The following LRRC49 variants were observed in gnomAD, a reference collection of about 807,000 sequenced individuals.
LRRC49 encodes leucine rich repeat containing 49.
In LRRC49, 50 loss-of-function variants were observed where a neutral mutation model predicts 83.3. The ratio of observed to expected loss-of-function variants is 0.60; its 90% CI spans 0.48 to 0.76. The LOEUF is 0.76. Among genes scored for constraint, LRRC49 ranks in the 30% least tolerant of loss-of-function variants. The pLI is 0.00. For missense variants in LRRC49, 704 were observed against 809.1 expected (o/e 0.87, Z 1.58); for synonymous variants, 286 against 283.3 (o/e 1.01, Z -0.10).
intron 8 of LRRC49, among the ~76,000 whole-genome samples, chr15:70,941,185 T>G (rs1033760468): frequency 7.9e-5 from 12 of 152,168 alleles, no homozygotes; most frequent in African/African-American, 2.9e-4. Context: ...ATGATAGATA[T>G]GTTCTACCGC....
chr15:70,904,809 G>A (rs1176163593), intron 5 of LRRC49, 54 bp downstream of exon 5: 1 of 1,308,110 alleles, frequency 7.6e-7, no homozygotes. Context: ...GGATTAATGT[G>A]GAGATGACAA....
At position 70,901,091 on chromosome 15, in the gene LRRC49, A is replaced by G. The variant is rs561566702; in HGVS notation, c.296+67A>G. ...ATACATAGACGTGGTACAAGACTTG[A>G]AAGATGCAAGTCTCCCTCCTTCCTC... On this transcript the variant is annotated intron_variant, in intron 4 of 15. Coordinates refer to ENST00000260382, the MANE Select transcript of LRRC49 (RefSeq NM_017691.5). 63 of 875,250 alleles carry G rather than the reference A, an allele frequency of 7.2e-5. No homozygotes were observed. In the African/African-American group the frequency reaches 9.6e-4, roughly 13 times the overall value. 54.2% of individuals were successfully genotyped at this position (875,250 alleles called of 1,614,324 possible).
rs2033138797 is a variant in LRRC49, at chr15:70,875,654, G to C, written c.18+2431G>C. ...TTACCATGTGCCCAGCAGTGTTCTA[G>C]GTTTTTCATATTGTAATCTTCTCAA... On this transcript the variant is annotated intron_variant, in intron 2 of 16. Transcript: ENST00000544974. Among the ~76,000 whole-genome samples the C allele has an allele frequency of 2.0e-5, 3 of 152,134 alleles. No homozygotes were observed. The South Asian group carries it at 6.2e-4, about 32-fold the overall frequency.
In LRRC49 at chr15:70,919,086, T is replaced by C; in HGVS notation, c.604T>C (p.Leu202=). 2.5e-6 allele frequency: 4 copies of C among 1,612,196 alleles called. No homozygotes were observed. The highest frequency in any genetic ancestry group is 1.1e-5 in the South Asian group (1 of 90,904). The change falls in exon 7 of 16, where the codon TTG becomes CTG. Residue 202 remains leucine (L), a synonymous_variant. Coordinates refer to ENST00000260382, the MANE Select transcript of LRRC49 (RefSeq NM_017691.5). ...TGAAAATATTAATCATTTGTGTGAG[T>C]TGAGAGTTTTAAATCTTGCCAGGAA... ...KIENINHLCE[L]RVLNLARNFL...
rs2033698863 is a variant in LRRC49, at chr15:70,893,798, A to G, written c.105+158A>G. 23 of 610,430 alleles carry G rather than the reference A, an allele frequency of 3.8e-5. No homozygotes were observed. In the South Asian group the frequency reaches 5.0e-4, roughly 13 times the overall value. The allele number at this position is 610,430 out of a possible 1,614,324, so 37.8% of individuals were successfully genotyped here. Reference sequence around the variant, plus strand: ...GCTAGTTCTTACTTTCTGCCTACATAAAGCTAAAATAGCCCTCTTTAAAAA... The same window carrying G: ...GCTAGTTCTTACTTTCTGCCTACATGAAGCTAAAATAGCCCTCTTTAAAAA... On this transcript the variant is annotated intron_variant, in intron 2 of 15. Coordinates refer to ENST00000260382, the MANE Select transcript of LRRC49 (RefSeq NM_017691.5).
chr15:71,007,699 T>A (rs568816582), intron 11 of LRRC49, among the ~76,000 whole-genome samples: 15 of 90,090 alleles, frequency 1.7e-4, no homozygotes, highest in East Asian at 9.6e-4. Flanking sequence ...CAGTGCAGTA[T>A]GAGAAGCATG....
chr15:71,010,819 A>AT (rs1452136594), intron 13 of LRRC49, among the ~76,000 whole-genome samples: 1 of 152,018 alleles, frequency 6.6e-6, no homozygotes, highest in South Asian at 2.1e-4. Context: ...GAAAAAAAAA[A>AT]CATCTTTAAT....
At chr15:70,915,688 C>A (rs549693666) in intron 6 of LRRC49, among the ~76,000 whole-genome samples, 1 of 152,070 alleles carries the variant, frequency 6.6e-6, no homozygotes, top group Non-Finnish European at 1.5e-5. Context: ...ATTCTATCAC[C>A]TGTTTAGTTT....
intron 10 of LRRC49, among the ~76,000 whole-genome samples, chr15:70,981,188 C>G (rs564653191): frequency 2.6e-5 from 4 of 152,206 alleles, no homozygotes; most frequent in East Asian, 1.9e-4. Context: ...TCGTGCAACT[C>G]TACATATTGA....
chr15:70,956,855 G>A (rs2141187740), intron 8 of LRRC49, among the ~76,000 whole-genome samples: 1 of 152,266 alleles, frequency 6.6e-6, no homozygotes, highest in South Asian at 2.1e-4. Context: ...AAAGCATAAA[G>A]ACTTCAGTCT....
At chr15:70,943,523 C>G (rs766891117) in intron 8 of LRRC49, among the ~76,000 whole-genome samples, 1 of 152,160 alleles carries the variant, frequency 6.6e-6, no homozygotes, top group Non-Finnish European at 1.5e-5. Context: ...TCCCTTCTCC[C>G]CTGATTCTTC....
At chr15:70,954,158 G>C (rs2036317539) in intron 8 of LRRC49, among the ~76,000 whole-genome samples, 1 of 152,204 alleles carries the variant, frequency 6.6e-6, no homozygotes, top group South Asian at 2.1e-4. Flanking sequence ...GCTTCCCAAA[G>C]TGCTGGGATT....
chr15:70,936,705 A>G (rs1054691688), intron 7 of LRRC49, 56 bp from the exon 8 acceptor site: 5 of 1,015,934 alleles, frequency 4.9e-6, no homozygotes, highest in African/African-American at 3.2e-5. Context: ...GCAAGAAGAC[A>G]TTTATAATAT....
rs184167329 is a variant in LRRC49 at position 70,867,843 on chromosome 15, G to A, written c.-298-5065G>A. ...CTGCAATCTTGTCACGCATTTCTTTGAGATGAGTATTGGGGTCCTGCTTCT... is the reference window on the plus strand; with the variant it reads ...CTGCAATCTTGTCACGCATTTCTTTAAGATGAGTATTGGGGTCCTGCTTCT... On this transcript the variant is annotated intron_variant, in intron 1 of 16. Transcript: ENST00000544974. Among the ~76,000 whole-genome samples the A allele has an allele frequency of 3.9e-5, 6 of 152,302 alleles. No individual in the cohort carries two copies. The East Asian group carries it at 9.6e-4, about 24-fold the overall frequency.
At chr15:70,965,009 C>A (rs541279943) in intron 9 of LRRC49, among the ~76,000 whole-genome samples, 1 of 152,174 alleles carries the variant, frequency 6.6e-6, no homozygotes, top group Non-Finnish European at 1.5e-5. Flanking sequence ...TAGGGTTCTG[C>A]CTCTCTCTCT....
At position 70,906,183 on chromosome 15, in the gene LRRC49, G is replaced by A. The variant is rs536594081; in HGVS notation, c.500+1428G>A. On this transcript the variant is annotated intron_variant, in intron 5 of 15. Transcript: ENST00000260382. Reference sequence around the variant, plus strand: ...GCCATCTCAGCTCACTGCAACCTCTGCCTCCCGGGTTCAAGTGATTGTCCT... The same window carrying A: ...GCCATCTCAGCTCACTGCAACCTCTACCTCCCGGGTTCAAGTGATTGTCCT... 8.1e-5 allele frequency among the ~76,000 whole-genome samples: 12 copies of A among 147,464 alleles called. No homozygotes were observed. In the East Asian group the frequency reaches 2.4e-3, roughly 30 times the overall value.
chr15:70,961,276 T>G (rs1247917740), intron 8 of LRRC49, among the ~76,000 whole-genome samples: 1 of 152,138 alleles, frequency 6.6e-6, no homozygotes, highest in Non-Finnish European at 1.5e-5. Flanking sequence ...CAAATGCTGG[T>G]GAGGATGGTG....
At chr15:70,981,891 CTTTTTTT>C (rs11339326) in intron 10 of LRRC49, among the ~76,000 whole-genome samples, 2 of 112,106 alleles carry the variant, frequency 1.8e-5, no homozygotes, top group African/African-American at 6.5e-5. Flanking sequence ...TTTGCTTCTT[CTTTTTTT>C]TTTTTTTTTT....
intron 14 of LRRC49, among the ~76,000 whole-genome samples, chr15:71,036,517 G>A (rs2039523956): frequency 6.6e-6 from 1 of 152,184 alleles, no homozygotes; most frequent in Admixed American, 6.5e-5. Flanking sequence ...GACACCCTAA[G>A]TGGTGGAAAC....
Sources: gnomAD v4.1 joint callset for allele counts (sites outside exome capture counted in the v4.1 genomes callset) on GRCh38, gnomAD v4.1.1 for gene constraint, MANE v1.5 for transcripts, NCBI Gene and HGNC (gene_info 2026-07-23, HGNC 2026-07-21) for gene names.